The following PACRG variants were observed in gnomAD, a reference collection of about 807,000 sequenced individuals.
The protein encoded by PACRG is parkin coregulated gene protein.
In PACRG, 29 loss-of-function variants were observed where a neutral mutation model predicts 29.7. The observed-to-expected ratio is 0.98, with a 90% CI of 0.73 to 1.33. The LOEUF (loss-of-function observed/expected upper bound fraction) is 1.33, where lower values mean the gene tolerates loss of function less well. PACRG is among the 40% of genes most tolerant of loss of function. The pLI is 0.00. For missense variants in PACRG, 279 were observed against 316.2 expected (o/e 0.88, Z 0.89); for synonymous variants, 116 against 118.7 (o/e 0.98, Z 0.15).
At chr6:162,855,918 G>T (rs1791351861) in intron 2 of PACRG, among the ~76,000 whole-genome samples, 1 of 152,144 alleles carries the variant, frequency 6.6e-6, no homozygotes, top group South Asian at 2.1e-4. Context: ...CGGAGTCCGG[G>T]TTCAGGTTCT....
chr6:162,907,702 A>G (rs1394943518), intron 2 of PACRG, among the ~76,000 whole-genome samples: 1 of 152,170 alleles, frequency 6.6e-6, no homozygotes, highest in African/African-American at 2.4e-5. Context: ...ATTATTTTAT[A>G]TATATTATTT....
At chr6:162,873,720 C>T (rs927652278) in intron 2 of PACRG, among the ~76,000 whole-genome samples, 7 of 152,136 alleles carry the variant, frequency 4.6e-5, no homozygotes, top group African/African-American at 1.7e-4. Context: ...CCTTTGGAAA[C>T]TAGCTAGCTT....
At chr6:162,994,655 A>G (rs1431202766) in intron 2 of PACRG, among the ~76,000 whole-genome samples, 1 of 141,120 alleles carries the variant, frequency 7.1e-6, no homozygotes, top group East Asian at 2.1e-4. Context: ...AATTTTTTTC[A>G]AAGTTTTCAA....
At chr6:163,164,457 T>G (rs1402287442) in intron 4 of PACRG, among the ~76,000 whole-genome samples, 1 of 152,138 alleles carries the variant, frequency 6.6e-6, no homozygotes, top group East Asian at 1.9e-4. Flanking sequence ...TCAATTCCCA[T>G]CCAGCCTCTA....
Position 163,196,924 on chromosome 6 carries a change from C to CAGATAGAT in PACRG, c.613+107556_613+107563dup, listed in dbSNP as rs10559182. Reference sequence around the variant, plus strand: ...AGACAGACTAGACAGACAGACTAGACAGATAGATAGATAGATAGATAGATA... The same window carrying CAGATAGAT: ...AGACAGACTAGACAGACAGACTAGACAGATAGATAGATAGATAGATAGATAGATAGATA... On this transcript the variant is annotated intron_variant, in intron 4 of 4. Coordinates refer to ENST00000366888, the MANE Select transcript of PACRG (RefSeq NM_001080379.2). 7.7e-3 allele frequency among the ~76,000 whole-genome samples: 1,122 copies of CAGATAGAT among 145,066 alleles called. 7 individuals are homozygous for CAGATAGAT. Among genetic ancestry groups the CAGATAGAT allele is most frequent in the Admixed American group, 9.1e-3 (134 of 14,756 alleles).
chr6:163,191,730 C>T (rs755384635), intron 4 of PACRG: 16 of 456,408 alleles, frequency 3.5e-5, no homozygotes, highest in African/African-American at 3.0e-4. Context: ...CCATCTTCTC[C>T]ACTCCCACTC....
intron 2 of PACRG, among the ~76,000 whole-genome samples, chr6:162,951,401 C>G (rs75951710): frequency 0.014 from 2,116 of 152,260 alleles, 51 homozygotes; most frequent in African/African-American, 0.049. Flanking sequence ...GGCAGGAAGG[C>G]TCTGATTGAT....
intron 2 of PACRG, among the ~76,000 whole-genome samples, chr6:162,856,445 T>G (rs1335959506): frequency 2.6e-5 from 4 of 152,212 alleles, no homozygotes; most frequent in Non-Finnish European, 4.4e-5. Flanking sequence ...ACCGGCTGTG[T>G]GGCCTTGGGA....
intron 2 of PACRG, among the ~76,000 whole-genome samples, chr6:162,836,108 A>T (rs1346410503): frequency 1.3e-5 from 2 of 152,012 alleles, no homozygotes; most frequent in Non-Finnish European, 1.5e-5. Context: ...CTTTAACATG[A>T]TTTTTATATA....
intron 2 of PACRG, among the ~76,000 whole-genome samples, chr6:162,963,143 T>C (rs6918850): frequency 6.6e-6 from 1 of 152,110 alleles, no homozygotes; most frequent in Non-Finnish European, 1.5e-5. Context: ...AATTAATTGC[T>C]TATAAAAACT....
intron 4 of PACRG, among the ~76,000 whole-genome samples, chr6:163,104,993 A>G (rs1423421530): frequency 1.3e-5 from 2 of 152,184 alleles, no homozygotes; most frequent in Admixed American, 6.5e-5. Context: ...GCACTAATCT[A>G]CATTTACTAG....
chr6:163,119,909 A>G (rs150623375), intron 4 of PACRG, among the ~76,000 whole-genome samples: 1,928 of 152,252 alleles, frequency 0.013, 21 homozygotes, highest in Non-Finnish European at 0.018. Context: ...ATTCAAATCA[A>G]ATATCTGGCA....
rs532216803 is a variant in PACRG, at chr6:163,248,223, C to T, written c.614-66604C>T. ...AGGAGCCTGTCACAATCATGTGCCC[C>T]GCAAGAAAGATTCCCTTCTTTGTTT... On this transcript the variant is annotated intron_variant, in intron 4 of 4. Transcript: ENST00000366888. Among the ~76,000 whole-genome samples, 3 of 152,278 alleles carry T rather than the reference C, an allele frequency of 2.0e-5. No homozygotes were observed. The East Asian group carries it at 5.8e-4, about 29-fold the overall frequency.
intron 2 of PACRG, among the ~76,000 whole-genome samples, chr6:162,998,472 C>A (rs975784290): frequency 6.6e-6 from 1 of 152,174 alleles, no homozygotes; most frequent in African/African-American, 2.4e-5. Context: ...TGCAATGTTT[C>A]TGCATCTTTA....
chr6:163,258,274 A>G (rs1783191577), intron 4 of PACRG, among the ~76,000 whole-genome samples: 1 of 152,134 alleles, frequency 6.6e-6, no homozygotes, highest in Non-Finnish European at 1.5e-5. Flanking sequence ...ATTTATTTTA[A>G]TTTAACCCAT....
intron 2 of PACRG, among the ~76,000 whole-genome samples, chr6:162,911,600 T>C (rs1796306905): frequency 6.6e-6 from 1 of 152,156 alleles, no homozygotes. Context: ...CTGGGGCACA[T>C]GCATGACAAT....
chr6:163,221,211 T>A (rs2128159274), intron 4 of PACRG, among the ~76,000 whole-genome samples: 1 of 152,342 alleles, frequency 6.6e-6, no homozygotes, highest in Non-Finnish European at 1.5e-5. Flanking sequence ...CACATCTGGC[T>A]CAGCATCGCA....
At chr6:162,784,894 C>T (rs557330477) in intron 1 of PACRG, among the ~76,000 whole-genome samples, 1 of 152,100 alleles carries the variant, frequency 6.6e-6, no homozygotes, top group Admixed American at 6.6e-5. Flanking sequence ...TTTTCAAGCA[C>T]AGAAAAATGG....
chr6:163,009,079 G>A (rs552243604), intron 2 of PACRG, among the ~76,000 whole-genome samples: 97 of 152,164 alleles, frequency 6.4e-4, no homozygotes, highest in Non-Finnish European at 4.6e-4. Context: ...TGAATATAAT[G>A]CTGTTTAGTT....
Sources: allele counts gnomAD v4.1 joint callset (sites outside exome capture counted in the v4.1 genomes callset), GRCh38; gene constraint gnomAD v4.1.1; transcripts MANE v1.5; gene names NCBI Gene and HGNC (gene_info 2026-07-23, HGNC 2026-07-21).